The following CREB5 variants were observed in gnomAD, a reference collection of about 807,000 sequenced individuals.
CREB5 encodes cyclic AMP-responsive element-binding protein 5.
In CREB5, 19 loss-of-function variants were observed where a neutral mutation model predicts 57.1. The ratio of observed to expected loss-of-function variants is 0.33; its 90% confidence interval spans 0.23 to 0.49. CREB5 has a LOEUF of 0.49. CREB5 is among the 20% of genes least tolerant of loss of function. The pLI is 0.99. For missense variants in CREB5, 579 were observed against 671.6 expected, an observed-to-expected ratio of 0.86 and a Z score of 1.52; for synonymous variants, 238 against 238.3, an observed-to-expected ratio of 1.00 and a Z score of 0.01.
intron 5 of CREB5, among the ~76,000 whole-genome samples, chr7:28,660,126 A>G (rs1799542129): frequency 6.6e-6 from 1 of 152,234 alleles, no homozygotes; most frequent in South Asian, 2.1e-4. Flanking sequence ...ATGATGCCAA[A>G]AATGTGCTGT....
chr7:28,588,865 C>T lies in CREB5; in HGVS notation c.464+18328C>T, dbSNP rs138004215. On this transcript the variant is annotated intron_variant, in intron 5 of 10. Coordinates refer to ENST00000357727, the MANE Select transcript of CREB5 (RefSeq NM_182898.4). ...ATTGTGAATCTGGATTAGAAGTGGT[C>T]AAGCAGTTGTTCTCCAAGCCTGTTT... Among the ~76,000 whole-genome samples, 7 of 152,282 alleles carry T rather than the reference C, an allele frequency of 4.6e-5. No homozygotes were observed. In the East Asian group the frequency reaches 1.2e-3, roughly 25 times the overall value.
At chr7:28,568,982 T>A (rs1291860112) in intron 4 of CREB5, among the ~76,000 whole-genome samples, 1 of 152,184 alleles carries the variant, frequency 6.6e-6, no homozygotes, top group Non-Finnish European at 1.5e-5. Flanking sequence ...CTTTAGTAAA[T>A]TGCTAGTGGC....
intron 7 of CREB5, among the ~76,000 whole-genome samples, chr7:28,762,755 G>A (rs1398896692): frequency 6.7e-6 from 1 of 149,568 alleles, no homozygotes; most frequent in East Asian, 2.0e-4. Context: ...TTTTTTTTGA[G>A]GCTGTCAGAT....
At chr7:28,551,008 T>C (rs1794617659) in intron 4 of CREB5, among the ~76,000 whole-genome samples, 1 of 152,182 alleles carries the variant, frequency 6.6e-6, no homozygotes, top group South Asian at 2.1e-4. Flanking sequence ...GAATACTTGA[T>C]GTGGATTTGC....
At chr7:28,792,472 G>A (rs763266990) in intron 7 of CREB5, among the ~76,000 whole-genome samples, 4 of 152,180 alleles carry the variant, frequency 2.6e-5, no homozygotes, top group Non-Finnish European at 5.9e-5. Context: ...ATTTGGATGC[G>A]TATCAGCTCA....
At chr7:28,316,696 G>A (rs1785390965) in intron 1 of CREB5, among the ~76,000 whole-genome samples, 1 of 152,046 alleles carries the variant, frequency 6.6e-6, no homozygotes, top group Non-Finnish European at 1.5e-5. Context: ...TGTATAACTG[G>A]CAGAGTTACA....
At chr7:28,780,071 T>G (rs934777606) in intron 7 of CREB5, among the ~76,000 whole-genome samples, 4 of 152,140 alleles carry the variant, frequency 2.6e-5, no homozygotes, top group African/African-American at 9.6e-5. Flanking sequence ...CGCCCAGCCA[T>G]GTGCATACTT....
At position 28,412,796 on chromosome 7, in the gene CREB5, C is replaced by A; in HGVS notation, c.-119C>A. The A allele has an allele frequency of 1.1e-6, 1 of 920,748 alleles. No homozygotes were observed. The highest frequency in any genetic ancestry group is 2.8e-5 in the South Asian group (1 of 36,112). The allele number at this position is 920,748 out of a possible 1,614,324, so 57.0% of individuals were successfully genotyped here. On this transcript the variant is annotated 5_prime_UTR_variant, in exon 1 of 11. Transcript: ENST00000357727. Reference sequence around the variant, plus strand: ...GGTCTGAAATACTGAGGCAAATACTCAAGACTTATTTTCTTCCTAATCTTG... The same window carrying A: ...GGTCTGAAATACTGAGGCAAATACTAAAGACTTATTTTCTTCCTAATCTTG...
rs1314387474 is a variant in CREB5, at chr7:28,306,564, T to TG, written c.-25+7123_-25+7124insG. ...CAGTTTTGTTTTTTTTGTTTTTTTT[T>TG]TTTTTTTTTTTTTTGAGACGGAGTC... On this transcript the variant is annotated intron_variant, in intron 1 of 9. Transcript: ENST00000396299. Among the ~76,000 whole-genome samples the TG allele has an allele frequency of 3.6e-3, 455 of 126,322 alleles. 5 individuals are homozygous for TG. Among genetic ancestry groups the TG allele is most frequent in the Non-Finnish European group, 4.6e-3 (259 of 56,582 alleles). The allele number at this position is 126,322 out of a possible 152,430, so 82.9% of individuals were successfully genotyped here. A position where few individuals can be genotyped will look rare whatever the true frequency, so the allele number is the denominator to read the frequency against.
intron 7 of CREB5, among the ~76,000 whole-genome samples, chr7:28,790,456 G>T (rs1171007229): frequency 2.9e-5 from 1 of 34,822 alleles, no homozygotes; most frequent in African/African-American, 1.5e-4. Flanking sequence ...GAGAGAGAGA[G>T]AGAGATAGAG....
chr7:28,477,302 C>T (rs181133485), intron 1 of CREB5, among the ~76,000 whole-genome samples: 425 of 152,288 alleles, frequency 2.8e-3, no homozygotes, highest in Non-Finnish European at 4.9e-3. Flanking sequence ...TTTCAATAGG[C>T]ATGTCTCATA....
intron 4 of CREB5, among the ~76,000 whole-genome samples, chr7:28,564,721 C>A (rs900684735): frequency 1.3e-5 from 2 of 152,166 alleles, no homozygotes; most frequent in Admixed American, 6.5e-5. Flanking sequence ...GTGGAGCTTT[C>A]ATCTTTGGTG....
intron 7 of CREB5, among the ~76,000 whole-genome samples, chr7:28,737,564 TATATATATATATATATATATATA>T (rs1804082538): frequency 9.1e-6 from 1 of 110,168 alleles, no homozygotes; most frequent in African/African-American, 3.0e-5. Context: ...TATATATATA[TATATATATATATATATATATATA>T]TTTTTAACTC....
chr7:28,721,179 T>C (rs1332703470), intron 6 of CREB5, among the ~76,000 whole-genome samples: 1 of 152,152 alleles, frequency 6.6e-6, no homozygotes, highest in Admixed American at 6.6e-5. Flanking sequence ...GAGACTCCAT[T>C]GGTTGTCACA....
At chr7:28,570,323 A>G (rs759422811) in intron 4 of CREB5, 42 bp from the exon 5 acceptor site, 1 of 1,569,440 alleles carries the variant, frequency 6.4e-7, no homozygotes, top group Non-Finnish European at 8.7e-7. Flanking sequence ...GAATAAAAAC[A>G]TTGACTCCTC....
intron 7 of CREB5, among the ~76,000 whole-genome samples, chr7:28,791,076 G>A (rs1807679621): frequency 6.6e-6 from 1 of 152,126 alleles, no homozygotes; most frequent in South Asian, 2.1e-4. Flanking sequence ...AATCTTGCTG[G>A]CATATGGTGA....
chr7:28,676,697 T>G (rs41347), intron 5 of CREB5, among the ~76,000 whole-genome samples: 25,961 of 152,180 alleles, frequency 0.17, 2,736 homozygotes, highest in African/African-American at 0.28. Context: ...GATGTGTAAC[T>G]AAAGTTCAAG....
rs575546155 is a variant in CREB5 at position 28,619,090 on chromosome 7, A to G, written c.464+48553A>G. ...TGGGCACATGGCCAAGTCCTGTTCT[A>G]AACACTTTAGATTTAACTCATTTAA... On this transcript the variant is annotated intron_variant, in intron 5 of 10. Coordinates refer to ENST00000357727, the MANE Select transcript of CREB5 (RefSeq NM_182898.4). 2.6e-5 allele frequency among the ~76,000 whole-genome samples: 4 copies of G among 152,362 alleles called. No individual in the cohort carries two copies. In the East Asian group the frequency reaches 5.8e-4, roughly 22 times the overall value.
intron 1 of CREB5, among the ~76,000 whole-genome samples, chr7:28,476,762 A>G (rs1356379303): frequency 6.6e-6 from 1 of 152,246 alleles, no homozygotes; most frequent in East Asian, 1.9e-4. Context: ...CAGGGGTTAT[A>G]TATGTGTTTG....
Sources: gnomAD v4.1 joint callset for allele counts (sites outside exome capture counted in the v4.1 genomes callset) on GRCh38, gnomAD v4.1.1 for gene constraint, MANE v1.5 for transcripts, NCBI Gene and HGNC (gene_info 2026-07-23, HGNC 2026-07-21) for gene names.